The following EEIG2 variants were observed in gnomAD, a reference collection of about 807,000 sequenced individuals.
The protein encoded by EEIG2 is EEIG family member 2.
the EEIG2 span, chr1:108,627,605 CT>C: frequency 6.6e-6 from 1 of 152,344 alleles, no homozygotes; most frequent in Non-Finnish European, 1.5e-5. Flanking sequence ...TTCTTAAGAA[CT>C]TTTACTCTCA....
At chr1:108,629,503 A>G in the EEIG2 span, 4 of 987,700 alleles carry the variant, frequency 4.0e-6, no homozygotes, top group South Asian at 5.1e-5. Flanking sequence ...AAACAATTGT[A>G]AAATATGAAT....
chr1:108,629,594 G>A, the EEIG2 span: 2 of 1,609,346 alleles, frequency 1.2e-6, no homozygotes, highest in South Asian at 1.1e-5. Flanking sequence ...GCAGAAGAAG[G>A]ACTAAGGCTA....
the EEIG2 span, among the ~76,000 whole-genome samples, chr1:108,631,801 A>G: frequency 6.6e-6 from 1 of 152,016 alleles, no homozygotes; most frequent in Non-Finnish European, 1.5e-5. Flanking sequence ...TGTTTTTTTA[A>G]TGGAAACAAA....
the EEIG2 span, among the ~76,000 whole-genome samples, chr1:108,632,220 C>A: frequency 5.3e-5 from 8 of 151,544 alleles, no homozygotes; most frequent in African/African-American, 1.9e-4. Flanking sequence ...CTCTTTGAGT[C>A]CAAATCCCAT....
At chr1:108,614,416 T>C in the EEIG2 span, among the ~76,000 whole-genome samples, 6 of 152,278 alleles carry the variant, frequency 3.9e-5, no homozygotes, top group South Asian at 2.1e-4. Context: ...TTCCTTCATA[T>C]GCTTCCTTTC....
the EEIG2 span, among the ~76,000 whole-genome samples, chr1:108,630,863 A>C: frequency 6.6e-6 from 1 of 152,194 alleles, no homozygotes; most frequent in Non-Finnish European, 1.5e-5. Flanking sequence ...TCCTTGGACC[A>C]AGACAGTTAT....
chr1:108,594,147 T>C, the EEIG2 span, among the ~76,000 whole-genome samples: 1 of 151,920 alleles, frequency 6.6e-6, no homozygotes, highest in Admixed American at 6.6e-5. Context: ...ACATGCATAA[T>C]AGTTAAGTCC....
At chr1:108,622,220 C>T in the EEIG2 span, among the ~76,000 whole-genome samples, 6 of 152,128 alleles carry the variant, frequency 3.9e-5, no homozygotes, top group African/African-American at 1.4e-4. Flanking sequence ...AGGTCTAGGC[C>T]AGACTGCAAG....
chr1:108,592,295 A>G, the EEIG2 span, among the ~76,000 whole-genome samples: 8 of 152,204 alleles, frequency 5.3e-5, no homozygotes, highest in African/African-American at 1.7e-4. Flanking sequence ...CATTTGGTCA[A>G]CAAATCTTTA....
At chr1:108,635,015 C>T in the EEIG2 span, 1 of 1,155,632 alleles carries the variant, frequency 8.7e-7, no homozygotes, top group Non-Finnish European at 1.3e-6. Context: ...AGAAAAATAC[C>T]CAGTGCCCCA....
chr1:108,574,613 T>C, the EEIG2 span, among the ~76,000 whole-genome samples: 1 of 152,112 alleles, frequency 6.6e-6, no homozygotes, highest in African/African-American at 2.4e-5. Flanking sequence ...TAGCTGGGCG[T>C]GGTGGCAGGT....
chr1:108,633,169 T>A, the EEIG2 span, among the ~76,000 whole-genome samples: 1 of 152,192 alleles, frequency 6.6e-6, no homozygotes, highest in Non-Finnish European at 1.5e-5. Context: ...GCTCTTCCAC[T>A]ATTGATTGAT....
At chr1:108,636,545 A>C in the EEIG2 span, 9 of 152,206 alleles carry the variant, frequency 5.9e-5, no homozygotes, top group Admixed American at 2.6e-4. Flanking sequence ...ATTAGAACTT[A>C]TGTTGCTGTT....
At chr1:108,632,471 G>A in the EEIG2 span, among the ~76,000 whole-genome samples, 2,818 of 152,180 alleles carry the variant, frequency 0.019, 113 homozygotes, top group African/African-American at 0.065. Flanking sequence ...AAAAATAACC[G>A]GCCATAATTT....
chr1:108,583,418 A>G, the EEIG2 span, among the ~76,000 whole-genome samples: 6 of 151,170 alleles, frequency 4.0e-5, no homozygotes, highest in African/African-American at 1.5e-4. Context: ...GTGCTGGGAT[A>G]GGAATGAGCC....
At chr1:108,628,253 A>G in the EEIG2 span, 4 of 1,614,192 alleles carry the variant, frequency 2.5e-6, no homozygotes, top group Non-Finnish European at 3.4e-6. Flanking sequence ...TCAGCAGTCA[A>G]AAGTATCAGG....
the EEIG2 span, among the ~76,000 whole-genome samples, chr1:108,610,098 A>G: frequency 6.6e-6 from 1 of 152,226 alleles, no homozygotes; most frequent in Non-Finnish European, 1.5e-5. Context: ...ATCTTGCTGT[A>G]AAGAGGGCCA....
the EEIG2 span, among the ~76,000 whole-genome samples, chr1:108,592,407 C>A: frequency 4.6e-5 from 7 of 152,346 alleles, no homozygotes; most frequent in East Asian, 1.3e-3. Context: ...GTTTGCACAT[C>A]ATGAGGTAAT....
the EEIG2 span, among the ~76,000 whole-genome samples, chr1:108,590,891 C>T: frequency 6.6e-6 from 1 of 152,090 alleles, no homozygotes; most frequent in Admixed American, 6.6e-5. Flanking sequence ...AAAATGGATC[C>T]ATAATTTTCC....
Sources: gnomAD v4.1 joint callset for allele counts (sites outside exome capture counted in the v4.1 genomes callset) on GRCh38, gnomAD v4.1.1 for gene constraint, MANE v1.5 for transcripts, NCBI Gene and HGNC (gene_info 2026-07-23, HGNC 2026-07-21) for gene names.